ENPP2: variants seen among roughly 807,000 people sequenced by gnomAD.
ENPP2 encodes the protein ectonucleotide pyrophosphatase/phosphodiesterase 2.
Under a neutral mutation model 120.2 loss-of-function variants are expected in ENPP2, and 51 were observed. The ratio of observed to expected loss-of-function variants is 0.42; its 90% confidence interval spans 0.34 to 0.54. ENPP2 has a LOEUF of 0.54. Among genes scored for constraint, ENPP2 ranks in the 20% least tolerant of loss-of-function variants. The probability of loss-of-function intolerance (pLI) is 0.04; values close to 1 mark genes in which losing one functional copy is unlikely to be tolerated. For synonymous variants in ENPP2, 365 were observed against 366.4 expected (o/e 1.00, Z 0.04); for missense variants, 920 against 1,066.5 (o/e 0.86, Z 1.91).
chr8:119,623,779 C>G (rs757882687), intron 3 of ENPP2, among the ~76,000 whole-genome samples: 1 of 152,018 alleles, frequency 6.6e-6, no homozygotes, highest in African/African-American at 2.4e-5. Context: ...GTGCCTCCCC[C>G]CATGCCTGGG....
intron 1 of ENPP2, among the ~76,000 whole-genome samples, chr8:119,644,623 T>TAC (rs1215150255): frequency 4.1e-5 from 4 of 97,248 alleles, no homozygotes; most frequent in African/African-American, 1.6e-4. Flanking sequence ...TATATATATA[T>TAC]ATACACACAC....
At position 119,673,171 on chromosome 8, in the gene ENPP2, G is replaced by A. The variant is rs16892874; in HGVS notation, c.21+81C>T. On this transcript the variant is annotated intron_variant, in intron 1 of 25. Transcript: ENST00000427067. ...GGCAAACCTGGAGGCCCTTTGCAAGGTTTTTCTGCTTGACAGAATGGCAGC... is the reference window on the plus strand; with the variant it reads ...GGCAAACCTGGAGGCCCTTTGCAAGATTTTTCTGCTTGACAGAATGGCAGC... The A allele has an allele frequency of 2.9e-3, 3,715 of 1,282,880 alleles. 91 individuals are homozygous for A. The African/African-American group carries it at 0.049, about 17-fold the overall frequency. The allele number at this position is 1,282,880 out of a possible 1,614,324, so 79.5% of individuals were successfully genotyped here. A position where few individuals can be genotyped will look rare whatever the true frequency, so the allele number is the denominator to read the frequency against.
intron 1 of ENPP2, among the ~76,000 whole-genome samples, chr8:119,648,674 C>T (rs1817542732): frequency 6.6e-6 from 1 of 152,226 alleles, no homozygotes; most frequent in Non-Finnish European, 1.5e-5. Flanking sequence ...ATTCCCCTTG[C>T]AATCATACAA....
chr8:119,629,597 T>C (rs535195970), intron 2 of ENPP2, among the ~76,000 whole-genome samples: 3 of 152,338 alleles, frequency 2.0e-5, no homozygotes, highest in South Asian at 4.1e-4. Flanking sequence ...GATCATGAGA[T>C]GTGAAACACT....
Position 119,557,459 on chromosome 8 carries a change from T to C in ENPP2, c.*62A>G. 2 of 1,359,872 alleles carry C rather than the reference T, an allele frequency of 1.5e-6. No homozygotes were observed. Among genetic ancestry groups the C allele is most frequent in the Non-Finnish European group, 2.0e-6 (2 of 982,320 alleles). The allele number at this position is 1,359,872 out of a possible 1,614,324, so 84.2% of individuals were successfully genotyped here. On this transcript the variant is annotated 3_prime_UTR_variant, in exon 25 of 25. Transcript: ENST00000075322. ...AATGTCCTGGTTTCAAATTAATAAA[T>C]ACAAAAACAATATAAAAATATACAA...
chr8:119,672,985 A>G (rs907306106), intron 1 of ENPP2, among the ~76,000 whole-genome samples: 1 of 152,168 alleles, frequency 6.6e-6, no homozygotes, highest in African/African-American at 2.4e-5. Context: ...GAGTCCTGCA[A>G]GTTGGACGGG....
chr8:119,573,322 G>A (rs1201737693), intron 19 of ENPP2, among the ~76,000 whole-genome samples: 1 of 149,722 alleles, frequency 6.7e-6, no homozygotes, highest in Non-Finnish European at 1.5e-5. Flanking sequence ...CAGGAGAATC[G>A]CTTGAACCCA....
intron 24 of ENPP2, among the ~76,000 whole-genome samples, chr8:119,559,166 CA>C (rs1309658694): frequency 6.6e-6 from 1 of 152,182 alleles, no homozygotes; most frequent in Non-Finnish European, 1.5e-5. Flanking sequence ...ACTCTACCCA[CA>C]ATGGTACTGA....
rs1036877751 is a variant in ENPP2 at position 119,645,270 on chromosome 8, G to A, written c.22-6743C>T. Among the ~76,000 whole-genome samples the A allele has an allele frequency of 3.3e-5, 5 of 152,192 alleles. No individual in the cohort carries two copies. The East Asian group carries it at 7.7e-4, about 24-fold the overall frequency. ...CCACACGAGGGCCTCCACTCAACAC[G>A]TCCAAAACGCAGCTACCTACACAAC... On this transcript the variant is annotated intron_variant, in intron 1 of 25. Coordinates refer to the ENPP2 transcript ENST00000427067.
Position 119,557,358 on chromosome 8 carries a change from G to T in ENPP2, c.*163C>A. On this transcript the variant is annotated 3_prime_UTR_variant, in exon 25 of 25. Transcript: ENST00000075322. Reference sequence around the variant, plus strand: ...CAGAACACAAGGCTACCTAAATCAAGCATTAGAGAAAAACAGTGGAGTCAT... The same window carrying T: ...CAGAACACAAGGCTACCTAAATCAATCATTAGAGAAAAACAGTGGAGTCAT... 1 of 578,452 alleles carries T rather than the reference G, an allele frequency of 1.7e-6. No individual in the cohort carries two copies. Among genetic ancestry groups the T allele is most frequent in the Non-Finnish European group, 2.9e-6 (1 of 339,762 alleles). 35.8% of individuals were successfully genotyped at this position (578,452 alleles called of 1,614,324 possible). A position where few individuals can be genotyped will look rare whatever the true frequency, so the allele number is the denominator to read the frequency against.
At chr8:119,636,296 C>T (rs949054604) in intron 2 of ENPP2, among the ~76,000 whole-genome samples, 1 of 152,182 alleles carries the variant, frequency 6.6e-6, no homozygotes, top group Admixed American at 6.6e-5. Context: ...CCACTGTCTA[C>T]AGGATGCTTT....
chr8:119,585,337 C>T (rs955149883), intron 15 of ENPP2, among the ~76,000 whole-genome samples: 7 of 152,178 alleles, frequency 4.6e-5, no homozygotes, highest in Admixed American at 2.0e-4. Context: ...ATTTATGTAT[C>T]TGTCAAATGT....
In ENPP2 at chr8:119,625,554, T is replaced by C. The variant is rs143470267; in HGVS notation, c.292+1011A>G. Among the ~76,000 whole-genome samples the C allele has an allele frequency of 2.8e-4, 43 of 152,208 alleles. No individual in the cohort carries two copies. In the East Asian group the frequency reaches 8.3e-3, roughly 29 times the overall value. ...AAACTAATAGCAATGATAGTAAGAG[T>C]TAGGTCTTTGAAAGAATTGTCTAAG... On this transcript the variant is annotated intron_variant, in intron 3 of 24. Transcript: ENST00000075322.
chr8:119,558,982 G>A (rs75471428), intron 24 of ENPP2, among the ~76,000 whole-genome samples: 374 of 152,270 alleles, frequency 2.5e-3, no homozygotes, highest in African/African-American at 8.3e-3. Context: ...AAATATGTTC[G>A]GGAGGGTGTT....
chr8:119,597,933 G>A (rs1814019016), intron 11 of ENPP2, among the ~76,000 whole-genome samples: 2 of 152,162 alleles, frequency 1.3e-5, no homozygotes, highest in Non-Finnish European at 1.5e-5. Flanking sequence ...CATTTTGGTA[G>A]TTAAAATCAT....
At chr8:119,577,397 G>A (rs1243019802) in intron 19 of ENPP2, among the ~76,000 whole-genome samples, 4 of 152,084 alleles carry the variant, frequency 2.6e-5, no homozygotes, top group Non-Finnish European at 4.4e-5. Context: ...TTAAATGGGA[G>A]GCCAAATTTA....
intron 8 of ENPP2, among the ~76,000 whole-genome samples, chr8:119,613,636 G>A (rs1441459556): frequency 2.0e-5 from 3 of 152,030 alleles, no homozygotes; most frequent in Non-Finnish European, 2.9e-5. Context: ...GCCTCTGAGA[G>A]GATGGTATAA....
intron 3 of ENPP2, among the ~76,000 whole-genome samples, chr8:119,623,143 C>A (rs188050379): frequency 1.1e-3 from 170 of 152,192 alleles, no homozygotes; most frequent in Non-Finnish European, 2.2e-3. Context: ...CCAAGAGAAA[C>A]AACTATTGTT....
intron 2 of ENPP2, among the ~76,000 whole-genome samples, chr8:119,627,198 G>A (rs901418714): frequency 6.6e-6 from 1 of 151,950 alleles, no homozygotes; most frequent in Non-Finnish European, 1.5e-5. Context: ...CAGCTCAAAT[G>A]TTCCAAGAAC....
Sources: allele counts gnomAD v4.1 joint callset (sites outside exome capture counted in the v4.1 genomes callset), GRCh38; gene constraint gnomAD v4.1.1; transcripts MANE v1.5; gene names NCBI Gene and HGNC (gene_info 2026-07-23, HGNC 2026-07-21).